Variants in PIP4K2A observed in about 807,000 individuals in gnomAD.
PIP4K2A encodes the protein phosphatidylinositol-5-phosphate 4-kinase type 2 alpha, also known as phosphatidylinositol 5-phosphate 4-kinase type-2 alpha.
Under a neutral mutation model 42.9 loss-of-function variants are expected in PIP4K2A, and 14 were observed. That is an observed-to-expected ratio of 0.33 (90% CI 0.22 to 0.51). PIP4K2A has a LOEUF of 0.51. PIP4K2A is among the 20% of genes least tolerant of loss of function. The pLI, the probability that PIP4K2A is intolerant of heterozygous loss-of-function variation, is 0.97. For missense variants in PIP4K2A, 434 were observed against 519.8 expected (o/e 0.83, Z 1.61); for synonymous variants, 192 against 192.2 (o/e 1.00, Z 0.01).
At chr10:22,624,914 T>C (rs1190061713) in intron 1 of PIP4K2A, among the ~76,000 whole-genome samples, 2 of 152,248 alleles carry the variant, frequency 1.3e-5, no homozygotes, top group African/African-American at 2.4e-5. Flanking sequence ...GGAAATAGAA[T>C]ATTCTAGTGT....
chr10:22,565,679 A>G (rs1281255268), intron 6 of PIP4K2A, among the ~76,000 whole-genome samples: 5 of 152,228 alleles, frequency 3.3e-5, no homozygotes, highest in Non-Finnish European at 5.9e-5. Flanking sequence ...GGAATAAGAG[A>G]GATAACCTTA....
intron 3 of PIP4K2A, among the ~76,000 whole-genome samples, chr10:22,599,496 T>C (rs920412100): frequency 6.6e-6 from 1 of 152,216 alleles, no homozygotes; most frequent in Admixed American, 6.5e-5. Flanking sequence ...TGTCTCTGGA[T>C]GAGTGAGGTG....
At chr10:22,594,475 A>C (rs1350542919) in intron 3 of PIP4K2A, among the ~76,000 whole-genome samples, 1 of 152,210 alleles carries the variant, frequency 6.6e-6, no homozygotes. Flanking sequence ...GGCTCACTGC[A>C]GCCTTGATCT....
At chr10:22,600,672 C>A (rs111788189) in intron 3 of PIP4K2A, among the ~76,000 whole-genome samples, 1 of 152,130 alleles carries the variant, frequency 6.6e-6, no homozygotes, top group Non-Finnish European at 1.5e-5. Flanking sequence ...ATCACACGGC[C>A]CAGGAGACAG....
At chr10:22,559,047 T>C (rs1836620741) in intron 6 of PIP4K2A, among the ~76,000 whole-genome samples, 3 of 152,132 alleles carry the variant, frequency 2.0e-5, no homozygotes, top group Admixed American at 6.5e-5. Flanking sequence ...ACCTACAAAA[T>C]AGGACCTACG....
At chr10:22,627,594 A>AT (rs1838471366) in intron 1 of PIP4K2A, among the ~76,000 whole-genome samples, 1 of 27,886 alleles carries the variant, frequency 3.6e-5, no homozygotes, top group Non-Finnish European at 7.3e-5. Flanking sequence ...TATGTAATAA[A>AT]AAAAAAAAAA....
chr10:22,632,104 G>C (rs1838563376), intron 1 of PIP4K2A, among the ~76,000 whole-genome samples: 1 of 152,024 alleles, frequency 6.6e-6, no homozygotes, highest in African/African-American at 2.4e-5. Flanking sequence ...AAAGTGTAAA[G>C]GTCATGATAG....
intron 3 of PIP4K2A, among the ~76,000 whole-genome samples, chr10:22,602,253 C>T (rs1837799080): frequency 6.6e-6 from 1 of 151,498 alleles, no homozygotes; most frequent in African/African-American, 2.4e-5. Flanking sequence ...CTTAGCTGGG[C>T]ATAGTGGCAC....
At chr10:22,685,606 CA>C (rs1030439210) in intron 1 of PIP4K2A, among the ~76,000 whole-genome samples, 2 of 151,954 alleles carry the variant, frequency 1.3e-5, no homozygotes, top group African/African-American at 4.8e-5. Context: ...CTCAGCTACC[CA>C]GGGGGGCTAA....
chr10:22,642,730 A>G (rs940579102), intron 1 of PIP4K2A, among the ~76,000 whole-genome samples: 1 of 152,042 alleles, frequency 6.6e-6, no homozygotes, highest in African/African-American at 2.4e-5. Flanking sequence ...AGACAATGAC[A>G]CATTCACATG....
At chr10:22,541,447 A>G (rs1202283365) in intron 8 of PIP4K2A, among the ~76,000 whole-genome samples, 2 of 152,214 alleles carry the variant, frequency 1.3e-5, no homozygotes, top group African/African-American at 2.4e-5. Flanking sequence ...TTCTGATGTT[A>G]TTTGTGAACA....
At chr10:22,644,753 C>CT (rs1319444770) in intron 1 of PIP4K2A, among the ~76,000 whole-genome samples, 1 of 152,210 alleles carries the variant, frequency 6.6e-6, no homozygotes, top group African/African-American at 2.4e-5. Context: ...GTCTGTGTGT[C>CT]TATTTTTTCC....
chr10:22,580,341 G>C (rs911012481), intron 4 of PIP4K2A, among the ~76,000 whole-genome samples: 4 of 151,974 alleles, frequency 2.6e-5, no homozygotes, highest in Non-Finnish European at 5.9e-5. Context: ...TAACTTGTAA[G>C]CGAATGCTTC....
At chr10:22,635,739 G>A (rs1838648178) in intron 1 of PIP4K2A, among the ~76,000 whole-genome samples, 1 of 152,196 alleles carries the variant, frequency 6.6e-6, no homozygotes, top group African/African-American at 2.4e-5. Flanking sequence ...GGAGCTCAGT[G>A]TGTGGAATAT....
At position 22,567,856 on chromosome 10, in the gene PIP4K2A, C is replaced by T; in HGVS notation, c.673G>A (p.Glu225Lys). The change falls in exon 6 of 10, where the codon GAA becomes AAA. Residue 225 changes from glutamate (E) to lysine (K), a missense_variant. Physicochemically the swap from Glu to Lys is moderately conservative, Grantham distance 56 (BLOSUM62 1). Around this residue, in one of 2 missense-constraint regions of PIP4K2A, gnomAD observed 395 missense variants for 444.5 expected, o/e 0.89. Transcript: ENST00000376573. ...STVAREASDK[E>K]KAKELPTLKD... is the part of the protein sequence containing the mutation. The stretch of plus-strand genomic sequence containing the variant: ...ACATACAGCAAGGTACTTACCTTTT[C>T]TTTGTCACTAGCTTCTCTAGCCACT... 2 of 1,613,656 alleles carry T rather than the reference C, an allele frequency of 1.2e-6. No individual in the cohort carries two copies. Among genetic ancestry groups the T allele is most frequent in the Non-Finnish European group, 1.7e-6 (2 of 1,179,504 alleles).
At chr10:22,623,923 GAATAGTTCA>G (rs1462207210) in intron 1 of PIP4K2A, among the ~76,000 whole-genome samples, 3 of 152,166 alleles carry the variant, frequency 2.0e-5, no homozygotes, top group African/African-American at 7.2e-5. Flanking sequence ...GATATGAAAA[GAATAGTTCA>G]CAACAATTAA....
At chr10:22,603,345 G>A (rs1054729394) in intron 3 of PIP4K2A, among the ~76,000 whole-genome samples, 4 of 152,080 alleles carry the variant, frequency 2.6e-5, no homozygotes, top group Admixed American at 6.5e-5. Context: ...TGGTTTCTGG[G>A]AGGCAACCCT....
chr10:22,539,433 A>G (rs1836027692), intron 9 of PIP4K2A: 1 of 153,664 alleles, frequency 6.5e-6, no homozygotes, highest in African/African-American at 2.4e-5. Flanking sequence ...TTTGCACTCA[A>G]GAGATTTCTG....
intron 9 of PIP4K2A, chr10:22,539,472 A>G (rs1459697097): frequency 1.3e-5 from 2 of 153,198 alleles, no homozygotes; most frequent in Non-Finnish European, 2.9e-5. Flanking sequence ...TCACTGTGAG[A>G]AAAGAAATAT....
Sources: gnomAD v4.1 joint callset for allele counts (sites outside exome capture counted in the v4.1 genomes callset) on GRCh38, gnomAD v4.1.1 for gene constraint, gnomAD v4.1.1 regional missense constraint, MANE v1.5 for transcripts, NCBI Gene and HGNC (gene_info 2026-07-23, HGNC 2026-07-21) for gene names.